Variants in FOXP1 observed in about 807,000 individuals in gnomAD.
FOXP1 encodes the protein forkhead box protein P1.
Under a neutral mutation model 98.2 loss-of-function variants are expected in FOXP1, and 15 were observed. The observed-to-expected ratio is 0.15, with a 90% CI of 0.10 to 0.24. The LOEUF (loss-of-function observed/expected upper bound fraction) is 0.24. Ranked by LOEUF, FOXP1 falls within the 10% of genes least tolerant of loss-of-function variation. FOXP1 has a pLI of 1.00. For synonymous variants in FOXP1, 371 were observed against 314.5 expected (o/e 1.18, Z -1.90); for missense variants, 633 against 848.5 (o/e 0.75, Z 3.15).
At chr3:71,382,411 G>A (rs1039614620) in intron 3 of FOXP1, among the ~76,000 whole-genome samples, 1 of 152,216 alleles carries the variant, frequency 6.6e-6, no homozygotes, top group African/African-American at 2.4e-5. Context: ...TTTTGCAGAA[G>A]TTGATTGCAC....
chr3:71,433,815 C>G (rs975594683), intron 3 of FOXP1, among the ~76,000 whole-genome samples: 1 of 152,130 alleles, frequency 6.6e-6, no homozygotes, highest in Admixed American at 6.5e-5. Flanking sequence ...ATGCCCTGGT[C>G]GGCAGGCAAG....
rs188244697 is a variant in FOXP1, at chr3:71,204,369, C to T, written c.-11-5977G>A. Among the ~76,000 whole-genome samples, 9 of 152,270 alleles carry T rather than the reference C, an allele frequency of 5.9e-5. 1 individual carries two copies. The highest frequency in any genetic ancestry group is 2.2e-4 in the African/African-American group (9 of 41,552). On this transcript the variant is annotated intron_variant, in intron 5 of 20. Coordinates refer to ENST00000649528, the MANE Select transcript of FOXP1 (RefSeq NM_001349338.3). The stretch of plus-strand genomic sequence containing the variant: ...AAGCAGTGGGGTGCAGCTCCACAGA[C>T]TTTTTTCCCCTAGTAGGCAAACGGT...
At chr3:71,174,577 G>A (rs1022891287) in intron 6 of FOXP1, among the ~76,000 whole-genome samples, 1 of 152,032 alleles carries the variant, frequency 6.6e-6, no homozygotes, top group Non-Finnish European at 1.5e-5. Context: ...TCATGGAAGG[G>A]TCCACATCAT....
At chr3:71,091,945 T>C (rs940938808) in intron 7 of FOXP1, among the ~76,000 whole-genome samples, 3 of 152,114 alleles carry the variant, frequency 2.0e-5, no homozygotes, top group Admixed American at 2.0e-4. Context: ...TCCAGCACTT[T>C]GGGAGGCCGA....
At chr3:71,259,120 G>A (rs1185451461) in intron 5 of FOXP1, among the ~76,000 whole-genome samples, 3 of 152,106 alleles carry the variant, frequency 2.0e-5, no homozygotes, top group African/African-American at 7.2e-5. Flanking sequence ...CTCCAACCTG[G>A]GTGACAGAGC....
chr3:71,290,089 A>G (rs1278379668), intron 5 of FOXP1: 2 of 152,190 alleles, frequency 1.3e-5, no homozygotes, highest in African/African-American at 4.8e-5. Flanking sequence ...TTGGCATCTT[A>G]GTCTGGGTGC....
chr3:71,415,041 C>G (rs1196031831), intron 3 of FOXP1, among the ~76,000 whole-genome samples: 1 of 152,154 alleles, frequency 6.6e-6, no homozygotes, highest in Non-Finnish European at 1.5e-5. Context: ...AATCTAGGTA[C>G]TTGAAAACAT....
intron 3 of FOXP1, among the ~76,000 whole-genome samples, chr3:71,393,198 G>A (rs2081154103): frequency 6.6e-6 from 1 of 152,100 alleles, no homozygotes; most frequent in East Asian, 1.9e-4. Context: ...AAAACCCCAT[G>A]AAGTTGAAGC....
At chr3:71,503,740 T>C (rs893386539) in intron 2 of FOXP1, among the ~76,000 whole-genome samples, 1 of 152,038 alleles carries the variant, frequency 6.6e-6, no homozygotes, top group Non-Finnish European at 1.5e-5. Flanking sequence ...ACAGGAAGCC[T>C]GTATGGAGCC....
At chr3:71,369,231 T>C (rs140069339) in intron 3 of FOXP1, among the ~76,000 whole-genome samples, 3 of 152,064 alleles carry the variant, frequency 2.0e-5, no homozygotes, top group East Asian at 2.0e-4. Flanking sequence ...CTACTAAAAA[T>C]AGAAACAAAT....
intron 18 of FOXP1, chr3:70,972,215 G>T: frequency 6.7e-7 from 1 of 1,490,306 alleles, no homozygotes; most frequent in Non-Finnish European, 8.9e-7. Context: ...AGATGGAGTG[G>T]CAACAAAAGG....
At chr3:70,962,910 T>C (rs1163011907) in intron 20 of FOXP1, among the ~76,000 whole-genome samples, 2 of 152,202 alleles carry the variant, frequency 1.3e-5, no homozygotes, top group African/African-American at 2.4e-5. Context: ...ATCAGGTGCA[T>C]GTAAAGCCCC....
At chr3:71,042,311 T>G (rs992424930) in intron 10 of FOXP1, among the ~76,000 whole-genome samples, 7 of 152,158 alleles carry the variant, frequency 4.6e-5, no homozygotes, top group African/African-American at 1.4e-4. Context: ...GGGATCTAAA[T>G]GGACATGGGT....
At chr3:70,973,475 T>C (rs2036785225) in intron 17 of FOXP1, among the ~76,000 whole-genome samples, 1 of 152,118 alleles carries the variant, frequency 6.6e-6, no homozygotes, top group Non-Finnish European at 1.5e-5. Flanking sequence ...CTGAGACCCT[T>C]AACATCGATA....
chr3:71,526,127 TATAA>T (rs35739317), intron 2 of FOXP1, among the ~76,000 whole-genome samples: 59,226 of 143,682 alleles, frequency 0.41, 12,330 homozygotes, highest in African/African-American at 0.49. Flanking sequence ...TCTCTAAATA[TATAA>T]ATAAATAAAC....
chr3:70,969,280 A>G (rs1347458563), intron 19 of FOXP1: 3 of 152,236 alleles, frequency 2.0e-5, no homozygotes, highest in Non-Finnish European at 2.9e-5. Context: ...GCAGCATCGA[A>G]GCATGCTTTC....
chr3:71,409,936 G>C (rs1013062688), intron 3 of FOXP1, among the ~76,000 whole-genome samples: 1 of 152,100 alleles, frequency 6.6e-6, no homozygotes, highest in Non-Finnish European at 1.5e-5. Context: ...GATAACCTGA[G>C]ACCCAGAGGT....
At chr3:71,171,057 ATCCATCCAGCCT>A (rs2108216199) in intron 6 of FOXP1, among the ~76,000 whole-genome samples, 1 of 151,088 alleles carries the variant, frequency 6.6e-6, no homozygotes, top group African/African-American at 2.4e-5. Context: ...TCAGCCATCC[ATCCATCCAGCCT>A]TCCATCCATT....
intron 3 of FOXP1, among the ~76,000 whole-genome samples, chr3:71,440,856 C>A (rs1214223319): frequency 6.6e-6 from 1 of 152,044 alleles, no homozygotes; most frequent in African/African-American, 2.4e-5. Context: ...CACAGTGAGA[C>A]CCTGTCTCAA....
Sources: allele counts gnomAD v4.1 joint callset (sites outside exome capture counted in the v4.1 genomes callset), GRCh38; gene constraint gnomAD v4.1.1; transcripts MANE v1.5; gene names NCBI Gene and HGNC (gene_info 2026-07-23, HGNC 2026-07-21).